The following DGKI variants were observed in gnomAD, a reference collection of about 807,000 sequenced individuals.
DGKI encodes diacylglycerol kinase iota.
In DGKI, 55 loss-of-function variants were observed where a neutral mutation model predicts 147.5. The observed-to-expected ratio is 0.37, with a 90% CI of 0.30 to 0.47. The LOEUF (loss-of-function observed/expected upper bound fraction) is 0.47. Among genes scored for constraint, DGKI ranks in the 20% least tolerant of loss-of-function variants. The probability of loss-of-function intolerance (pLI) is 1.00; values close to 1 mark genes in which losing one functional copy is unlikely to be tolerated. For synonymous variants in DGKI, 469 were observed against 477.1 expected (o/e 0.98, Z 0.22); for missense variants, 1,007 against 1,323.8 (o/e 0.76, Z 3.71).
chr7:137,423,543 C>A (rs1290918069), intron 28 of DGKI, among the ~76,000 whole-genome samples: 2 of 152,152 alleles, frequency 1.3e-5, no homozygotes, highest in African/African-American at 4.8e-5. Flanking sequence ...AAGCCAAGTA[C>A]AGTTAAGTAT....
chr7:137,679,595 C>T (rs1214778883), intron 2 of DGKI, among the ~76,000 whole-genome samples: 2 of 152,044 alleles, frequency 1.3e-5, no homozygotes, highest in Non-Finnish European at 2.9e-5. Flanking sequence ...CCATGGCTTA[C>T]AGGAAAATTA....
At chr7:137,438,337 CAT>C (rs149854625) in intron 28 of DGKI, among the ~76,000 whole-genome samples, 2,770 of 152,182 alleles carry the variant, frequency 0.018, 86 homozygotes, top group African/African-American at 0.063. Context: ...TGTTTGATCT[CAT>C]GTGTAATCAT....
At chr7:137,647,213 G>A (rs773671284) in intron 5 of DGKI, among the ~76,000 whole-genome samples, 5 of 152,144 alleles carry the variant, frequency 3.3e-5, no homozygotes, top group African/African-American at 4.8e-5. Flanking sequence ...CATGAGTAGA[G>A]ATGCCACTTA....
At chr7:137,793,690 A>G (rs1027569116) in intron 1 of DGKI, among the ~76,000 whole-genome samples, 4 of 152,154 alleles carry the variant, frequency 2.6e-5, no homozygotes, top group African/African-American at 9.7e-5. Flanking sequence ...ATGGGCTACT[A>G]ATGTTTACCA....
chr7:137,569,203 C>G (rs531728491), intron 19 of DGKI, among the ~76,000 whole-genome samples: 2 of 152,138 alleles, frequency 1.3e-5, no homozygotes, highest in East Asian at 1.9e-4. Context: ...ATCCTAAGAG[C>G]AATGGGGAAA....
At chr7:137,469,490 G>A in intron 24 of DGKI, 60 bp downstream of exon 24, 1 of 1,550,450 alleles carries the variant, frequency 6.4e-7, no homozygotes. Flanking sequence ...CCTATCAATT[G>A]ATGCCTTGCT....
intron 24 of DGKI, among the ~76,000 whole-genome samples, chr7:137,467,525 A>G (rs1814705646): frequency 6.6e-6 from 1 of 152,228 alleles, no homozygotes; most frequent in Non-Finnish European, 1.5e-5. Context: ...GCCAGAGACC[A>G]TATGTGGTCT....
intron 1 of DGKI, among the ~76,000 whole-genome samples, chr7:137,711,982 C>A (rs1341485167): frequency 1.3e-5 from 2 of 152,034 alleles, no homozygotes; most frequent in Non-Finnish European, 2.9e-5. Flanking sequence ...CGTGAGCCAC[C>A]ATGCCTGGCT....
intron 3 of DGKI, among the ~76,000 whole-genome samples, chr7:137,673,029 G>C (rs1440386090): frequency 1.3e-5 from 2 of 151,966 alleles, no homozygotes; most frequent in Non-Finnish European, 2.9e-5. Flanking sequence ...TGATCCACCT[G>C]CCTCGGCCTC....
chr7:137,521,934 C>G lies in DGKI; in HGVS notation c.2180G>C (p.Arg727Pro), dbSNP rs767889222. Reference protein sequence around the residue: ...PQSVPDRLRIRVNKISLQDYE... With the variant: ...PQSVPDRLRIPVNKISLQDYE... ...GTCTTGTAAACTGATTTTGTTCACC[C>G]GGATCCTCAGACGATCTGGGACAGA... Residue 727 changes from arginine (R) to proline (P), a missense_variant, in exon 21 of 33, where the codon CGG becomes CCG. This residue lies in a region of DGKI where 385 missense variants were observed against 445.2 expected (regional missense o/e 0.86). Coordinates refer to ENST00000614521, the MANE Select transcript of DGKI (RefSeq NM_001321708.2). The G allele has an allele frequency of 6.2e-7, 1 of 1,611,830 alleles. No homozygotes were observed. The highest frequency in any genetic ancestry group is 1.7e-5 in the Admixed American group (1 of 59,772).
chr7:137,818,960 T>A (rs940314323), intron 1 of DGKI, among the ~76,000 whole-genome samples: 5 of 151,968 alleles, frequency 3.3e-5, no homozygotes, highest in Non-Finnish European at 7.4e-5. Flanking sequence ...AACAGAAAAA[T>A]CATTGTCAAA....
chr7:137,417,529 G>T (rs1563005860), intron 28 of DGKI, among the ~76,000 whole-genome samples: 4 of 152,142 alleles, frequency 2.6e-5, no homozygotes, highest in Admixed American at 2.0e-4. Flanking sequence ...CTTAAGTCTG[G>T]GCTCTCAAGA....
intron 1 of DGKI, among the ~76,000 whole-genome samples, chr7:137,747,987 G>A (rs1390212856): frequency 6.6e-6 from 1 of 152,106 alleles, no homozygotes; most frequent in Non-Finnish European, 1.5e-5. Context: ...GATTTATAAA[G>A]GTTGACACTT....
In DGKI at chr7:137,783,207, C is replaced by A. The variant is rs549555646; in HGVS notation, c.401+63255G>T. Among the ~76,000 whole-genome samples the A allele has an allele frequency of 2.0e-5, 3 of 152,170 alleles. No homozygotes were observed. The South Asian group carries it at 6.2e-4, about 32-fold the overall frequency. ...AGGAGGCACCAGAGAAAGGTGTAGT[C>A]CAACTTAAACAAATCAAAAACGTGA... On this transcript the variant is annotated intron_variant, in intron 1 of 32. Transcript: ENST00000614521.
At chr7:137,770,064 G>A (rs1796136097) in intron 1 of DGKI, among the ~76,000 whole-genome samples, 1 of 152,176 alleles carries the variant, frequency 6.6e-6, no homozygotes, top group Non-Finnish European at 1.5e-5. Context: ...CAAAGACTTA[G>A]AACCTACCCA....
At position 137,567,706 on chromosome 7, in the gene DGKI, C is replaced by A. The variant is rs535908629; in HGVS notation, c.1947+3469G>T. ...AAGAAAATAAATGATATTTGTGAGA[C>A]AACTGGAAATTCAAACTCTGAGTAA... On this transcript the variant is annotated intron_variant, in intron 19 of 32. Coordinates refer to ENST00000614521, the MANE Select transcript of DGKI (RefSeq NM_001321708.2). Among the ~76,000 whole-genome samples the A allele has an allele frequency of 7.9e-5, 12 of 152,194 alleles. No individual in the cohort carries two copies. In the East Asian group the frequency reaches 9.7e-4, roughly 12 times the overall value.
intron 3 of DGKI, among the ~76,000 whole-genome samples, chr7:137,670,256 T>A (rs1822795302): frequency 6.6e-6 from 1 of 152,174 alleles, no homozygotes. Context: ...AGTGACAGAA[T>A]CCTAAAGATC....
chr7:137,596,421 A>G (rs1819801555), intron 12 of DGKI, among the ~76,000 whole-genome samples: 2 of 152,154 alleles, frequency 1.3e-5, no homozygotes, highest in South Asian at 4.1e-4. Context: ...CAGTATATCC[A>G]TCCTCAGAGG....
intron 21 of DGKI, 150 bp from the exon 22 acceptor site, chr7:137,487,839 A>G: frequency 1.5e-6 from 1 of 683,926 alleles, no homozygotes; most frequent in African/African-American, 1.8e-5. Flanking sequence ...CTTTCTCCCT[A>G]CACCTTTTTT....
Sources: allele counts gnomAD v4.1 joint callset (sites outside exome capture counted in the v4.1 genomes callset), GRCh38; gene constraint gnomAD v4.1.1; regional missense constraint gnomAD v4.1.1; transcripts MANE v1.5; gene names NCBI Gene and HGNC (gene_info 2026-07-23, HGNC 2026-07-21).